Variants in TRRAP observed in about 807,000 individuals in gnomAD.
TRRAP encodes the protein transformation/transcription domain associated protein.
In TRRAP, 41 loss-of-function variants were observed where a neutral mutation model predicts 438.8. That is an observed-to-expected ratio of 0.09 (90% CI 0.07 to 0.12). The LOEUF (loss-of-function observed/expected upper bound fraction) is 0.12. Ranked by LOEUF, TRRAP falls within the 10% of genes least tolerant of loss-of-function variation. TRRAP has a pLI of 1.00. For missense variants in TRRAP, 3,122 were observed against 5,055.1 expected (o/e 0.62, Z 11.60); for synonymous variants, 1,994 against 1,962.9 (o/e 1.02, Z -0.42).
At chr7:98,964,237 T>G (rs1253059622) in intron 47 of TRRAP, among the ~76,000 whole-genome samples, 2 of 152,232 alleles carry the variant, frequency 1.3e-5, no homozygotes, top group Non-Finnish European at 2.9e-5. Context: ...GAAGTGCAAA[T>G]TGAATTCAAA....
chr7:98,983,141 T>C, intron 59 of TRRAP, 123 bp from the exon 60 acceptor site: 1 of 913,424 alleles, frequency 1.1e-6, no homozygotes, highest in Non-Finnish European at 1.6e-6. Flanking sequence ...ATGAGAGTGC[T>C]TCCTTTGGTA....
intron 67 of TRRAP, among the ~76,000 whole-genome samples, chr7:99,000,222 T>A (rs1468297292): frequency 1.3e-5 from 2 of 152,150 alleles, no homozygotes; most frequent in Non-Finnish European, 2.9e-5. Flanking sequence ...TTGGCCAGGC[T>A]GGTTTTGAAC....
chr7:98,931,991 T>C (rs1299690961), intron 26 of TRRAP, among the ~76,000 whole-genome samples: 3 of 152,108 alleles, frequency 2.0e-5, no homozygotes, highest in Non-Finnish European at 2.9e-5. Flanking sequence ...CCTAGCTCAC[T>C]GCAGCCTGGA....
intron 67 of TRRAP, chr7:98,998,916 G>A (rs1230855569): frequency 2.0e-6 from 1 of 491,804 alleles, no homozygotes; most frequent in East Asian, 3.3e-5. Flanking sequence ...CCCCATGGTA[G>A]GTCAGTCTGC....
rs1356621160 is a variant in TRRAP at position 98,908,146 on chromosome 7, G to T, written c.1116-582G>T. Among the ~76,000 whole-genome samples the T allele has an allele frequency of 1.3e-5, 2 of 152,140 alleles. No individual in the cohort carries two copies. Among genetic ancestry groups the T allele is most frequent in the African/African-American group, 4.8e-5 (2 of 41,414 alleles). ...CTTGCCCCACTCATCTTTCTCATGT[G>T]CCCTTTTCACATCCCCGCTAGCACT... On this transcript the variant is annotated intron_variant, in intron 13 of 72. Coordinates refer to ENST00000456197, the MANE Select transcript of TRRAP (RefSeq NM_001375524.1). The surrounding 1 kb of genome is among the most constrained non-coding windows in gnomAD (Gnocchi z 4.1).
intron 63 of TRRAP, among the ~76,000 whole-genome samples, chr7:98,989,485 C>G (rs1206895145): frequency 6.6e-6 from 1 of 152,236 alleles, no homozygotes; most frequent in African/African-American, 2.4e-5. Flanking sequence ...CTGTCTTCCC[C>G]CAAGAAGCAG....
At chr7:98,912,304 G>A (rs1562938030) in intron 18 of TRRAP, 91 bp downstream of exon 18, 3 of 1,413,388 alleles carry the variant, frequency 2.1e-6, no homozygotes, top group Non-Finnish European at 1.9e-6. Context: ...AGGCTGGTCA[G>A]CGTTCTGGAC....
intron 11 of TRRAP, among the ~76,000 whole-genome samples, chr7:98,901,191 C>G (rs1385804138): frequency 6.6e-6 from 1 of 152,266 alleles, no homozygotes; most frequent in African/African-American, 2.4e-5. Flanking sequence ...AGTCTGAGAT[C>G]AAGGTTCTGG....
intron 3 of TRRAP, among the ~76,000 whole-genome samples, chr7:98,884,862 C>T (rs896871262): frequency 2.6e-5 from 4 of 152,064 alleles, no homozygotes; most frequent in Non-Finnish European, 5.9e-5. Context: ...GAGTCATGCT[C>T]CGGTACTGGC....
intron 51 of TRRAP, among the ~76,000 whole-genome samples, chr7:98,968,421 G>A (rs1792259482): frequency 6.6e-6 from 1 of 152,220 alleles, no homozygotes; most frequent in Non-Finnish European, 1.5e-5. Context: ...GGCAACACAA[G>A]CGTGTTTAAC....
chr7:98,947,110 C>T lies in TRRAP; in HGVS notation c.4549-1111C>T, dbSNP rs141847319. Among the ~76,000 whole-genome samples the T allele has an allele frequency of 6.9e-4, 105 of 152,346 alleles. 1 individual carries two copies. Among genetic ancestry groups the T allele is most frequent in the African/African-American group, 1.7e-3 (71 of 41,590 alleles). The stretch of plus-strand genomic sequence containing the variant: ...CCCCTTCTTACCCCGAGGATCGCAG[C>T]GCGCACAGCGCAGCACGGCACATTG... On this transcript the variant is annotated intron_variant, in intron 33 of 72. Transcript: ENST00000456197.
At chr7:98,934,409 TATC>T (rs1262445627) in intron 27 of TRRAP, among the ~76,000 whole-genome samples, 2 of 152,212 alleles carry the variant, frequency 1.3e-5, no homozygotes, top group Non-Finnish European at 2.9e-5. Context: ...CTTTATACCT[TATC>T]ATTTGTAAGG....
chr7:99,003,556 C>T (rs1257628651), intron 67 of TRRAP, among the ~76,000 whole-genome samples: 1 of 152,176 alleles, frequency 6.6e-6, no homozygotes, highest in African/African-American at 2.4e-5. Context: ...TCCTGTGTCT[C>T]CCAGGGCCCC....
At chr7:98,909,953 C>T (rs1554408335) in intron 14 of TRRAP, 103 bp from the exon 15 acceptor site, 7 of 1,454,596 alleles carry the variant, frequency 4.8e-6, no homozygotes, top group East Asian at 2.4e-5. Context: ...ATGACTTGAG[C>T]AGCTGGTGTC....
chr7:98,961,356 T>A lies in TRRAP; in HGVS notation c.6585T>A (p.Ser2195Arg). ...LTVLQSPAIL[S>R]SFKPLQRGIA... is the part of the protein sequence containing the mutation. Reference sequence around the variant, plus strand: ...TCCTCCAGTCCCCAGCCATCCTCAGTAGCTTCAAACCTCTGCAGCGTGGAA... The same window carrying A: ...TCCTCCAGTCCCCAGCCATCCTCAGAAGCTTCAAACCTCTGCAGCGTGGAA... Residue 2195 changes from serine (S) to arginine (R), a missense_variant, in exon 46 of 73, where the codon AGT becomes AGA. Ser to Arg is a moderately radical substitution (Grantham distance 110). This residue lies in a region of TRRAP where 992 missense variants were observed against 1,281.2 expected (regional missense o/e 0.77). Coordinates refer to ENST00000456197, the MANE Select transcript of TRRAP (RefSeq NM_001375524.1). 6.2e-7 allele frequency: 1 copy of A among 1,614,204 alleles called. No individual in the cohort carries two copies. Among genetic ancestry groups the A allele is most frequent in the Non-Finnish European group, 8.5e-7 (1 of 1,180,032 alleles).
At chr7:98,959,278 T>C in intron 44 of TRRAP, 66 bp from the exon 45 acceptor site, 1 of 1,586,634 alleles carries the variant, frequency 6.3e-7, no homozygotes, top group Non-Finnish European at 8.6e-7. Flanking sequence ...TGAGACGTGC[T>C]GTCACTGGAA....
rs1789303393 is a variant in TRRAP, at chr7:98,912,144, C to T, written c.2130C>T (p.Tyr710=). Residue 710 remains tyrosine, a synonymous_variant, in exon 18 of 73, where the codon TAC becomes TAT. Coordinates refer to ENST00000456197, the MANE Select transcript of TRRAP (RefSeq NM_001375524.1). ...MGSNVELSNL[Y]LKLFKLVFGS... ...CCAACGTGGAGCTCTCCAACCTGTA[C>T]CTCAAGCTGTTCAAGCTGGTCTTTG... is the stretch of plus-strand genomic sequence containing the variant. The T allele has an allele frequency of 1.9e-6, 3 of 1,614,178 alleles. No individual in the cohort carries two copies. Among genetic ancestry groups the T allele is most frequent in the Non-Finnish European group, 2.5e-6 (3 of 1,180,044 alleles).
Position 98,953,235 on chromosome 7 carries a change from G to C in TRRAP, c.5532G>C (p.Thr1844=), listed in dbSNP as rs781886929. 1.2e-5 allele frequency: 20 copies of C among 1,613,050 alleles called. No individual in the cohort carries two copies. Among genetic ancestry groups the C allele is most frequent in the Non-Finnish European group, 1.6e-5 (19 of 1,179,950 alleles). ...GGATCTACCTGCTGCAGTACGCCAC[G>C]CTGCTGGTGGAGCACGCCCCCCACC... ...SLRIYLLQYA[T]LLVEHAPHHI... is the part of the protein sequence containing the mutation. The change falls in exon 40 of 73, where the codon ACG becomes ACC. Residue 1844 remains threonine, a synonymous_variant. Coordinates refer to ENST00000456197, the MANE Select transcript of TRRAP (RefSeq NM_001375524.1).
At chr7:98,946,048 G>C (rs571014791) in intron 33 of TRRAP, 98 bp downstream of exon 33, 57 of 1,259,334 alleles carry the variant, frequency 4.5e-5, no homozygotes, top group Non-Finnish European at 5.3e-5. Flanking sequence ...GACAGAGTGC[G>C]TTGTGCCCTT....
Sources: gnomAD v4.1 joint callset for allele counts (sites outside exome capture counted in the v4.1 genomes callset) on GRCh38, gnomAD v4.1.1 for gene constraint, gnomAD v4.1.1 regional missense constraint, Gnocchi (gnomAD v3.1) non-coding constraint, MANE v1.5 for transcripts, NCBI Gene and HGNC (gene_info 2026-07-23, HGNC 2026-07-21) for gene names.